Variants in FHOD3 observed in about 807,000 individuals in gnomAD.
FHOD3 encodes the protein FH1/FH2 domain-containing protein 3.
Under a neutral mutation model 173.0 loss-of-function variants are expected in FHOD3, and 90 were observed. That is an observed-to-expected ratio of 0.52 (90% confidence interval 0.44 to 0.62). The LOEUF (loss-of-function observed/expected upper bound fraction) is 0.62. Ranked by LOEUF, FHOD3 falls within the 20% of genes least tolerant of loss-of-function variation. The probability of loss-of-function intolerance (pLI) is 0.00; values close to 1 mark genes in which losing one functional copy is unlikely to be tolerated. For synonymous variants in FHOD3, 828 were observed against 823.0 expected (o/e 1.01, Z -0.10); for missense variants, 1,945 against 2,034.7 (o/e 0.96, Z 0.85).
intron 5 of FHOD3, among the ~76,000 whole-genome samples, chr18:36,559,089 G>C (rs1469619133): frequency 6.6e-6 from 1 of 152,156 alleles, no homozygotes; most frequent in Non-Finnish European, 1.5e-5. Flanking sequence ...TCTCTCTCCT[G>C]ACGTTCTCCT....
At chr18:36,478,170 G>T (rs745727585) in intron 3 of FHOD3, among the ~76,000 whole-genome samples, 10 of 152,136 alleles carry the variant, frequency 6.6e-5, no homozygotes, top group Non-Finnish European at 1.5e-4. Context: ...GTGTTAATGA[G>T]ATATTTAAAG....
chr18:36,548,182 A>G (rs570085258), intron 5 of FHOD3, among the ~76,000 whole-genome samples: 2 of 152,208 alleles, frequency 1.3e-5, no homozygotes, highest in South Asian at 2.1e-4. Context: ...AGAGAGTGAG[A>G]CAATGTCTCA....
chr18:36,641,542 G>A (rs1169733608), intron 10 of FHOD3, among the ~76,000 whole-genome samples: 2 of 152,140 alleles, frequency 1.3e-5, no homozygotes, highest in African/African-American at 2.4e-5. Context: ...GGGCCCCATG[G>A]GTTGAATACT....
intron 1 of FHOD3, among the ~76,000 whole-genome samples, chr18:36,300,524 A>C (rs12970527): frequency 0.35 from 53,931 of 152,062 alleles, 10,000 homozygotes; most frequent in East Asian, 0.56. Context: ...GAGCTATCAT[A>C]CCAGGACCCT....
chr18:36,688,339 T>C (rs1404873910), intron 16 of FHOD3, among the ~76,000 whole-genome samples: 1 of 152,218 alleles, frequency 6.6e-6, no homozygotes, highest in Non-Finnish European at 1.5e-5. Context: ...GTGCTAATTT[T>C]CTAAACACCA....
intron 3 of FHOD3, among the ~76,000 whole-genome samples, chr18:36,425,303 G>C (rs951062214): frequency 6.6e-6 from 1 of 152,162 alleles, no homozygotes; most frequent in Non-Finnish European, 1.5e-5. Context: ...AAGGATTCAG[G>C]CATCTACTGG....
chr18:36,568,277 G>T (rs2147827870), intron 5 of FHOD3, among the ~76,000 whole-genome samples: 1 of 125,480 alleles, frequency 8.0e-6, no homozygotes, highest in South Asian at 2.8e-4. Flanking sequence ...GGCAGAGTTT[G>T]CAGCGAACTG....
At chr18:36,317,231 A>C (rs1427006292) in intron 1 of FHOD3, among the ~76,000 whole-genome samples, 1 of 152,214 alleles carries the variant, frequency 6.6e-6, no homozygotes, top group Admixed American at 6.5e-5. Flanking sequence ...TCCTTTGGGT[A>C]TATACCCAGT....
chr18:36,482,854 C>CAGAGAGAGAGAG (rs1405818047), intron 3 of FHOD3, among the ~76,000 whole-genome samples: 43 of 97,952 alleles, frequency 4.4e-4, no homozygotes, highest in African/African-American at 1.7e-3. Flanking sequence ...CACTCACACA[C>CAGAGAGAGAGAG]ACACAGAGAG....
At chr18:36,405,719 A>AT (rs2146764037) in intron 3 of FHOD3, among the ~76,000 whole-genome samples, 1 of 152,370 alleles carries the variant, frequency 6.6e-6, no homozygotes, top group Non-Finnish European at 1.5e-5. Flanking sequence ...CTGTGAGGAC[A>AT]TGTTTATATG....
chr18:36,305,885 GGTTTT>G lies in FHOD3; in HGVS notation c.165+7886_165+7890del, dbSNP rs2092081434. ...TTTTATATCACTTTAACAATTGTTT[GGTTTT>G]ATTTATGATTTGAGGTCACCTTCTT... On this transcript the variant is annotated intron_variant, in intron 1 of 28. Coordinates refer to ENST00000590592, the MANE Select transcript of FHOD3 (RefSeq NM_001281740.3). 3.3e-5 allele frequency among the ~76,000 whole-genome samples: 5 copies of G among 152,126 alleles called. 1 individual carries two copies. The South Asian group carries it at 1.0e-3, about 32-fold the overall frequency.
intron 3 of FHOD3, among the ~76,000 whole-genome samples, chr18:36,377,554 C>T (rs1158746201): frequency 6.6e-6 from 1 of 152,222 alleles, no homozygotes; most frequent in East Asian, 1.9e-4. Context: ...CTTGTTCTGA[C>T]AGCACCTGAG....
intron 1 of FHOD3, among the ~76,000 whole-genome samples, chr18:36,348,712 C>G (rs1187196621): frequency 6.6e-6 from 1 of 152,108 alleles, no homozygotes; most frequent in Non-Finnish European, 1.5e-5. Context: ...TTTTACCCAG[C>G]AAGTGCTGCT....
intron 28 of FHOD3, among the ~76,000 whole-genome samples, chr18:36,772,302 G>T (rs2043420942): frequency 6.6e-6 from 1 of 152,160 alleles, no homozygotes; most frequent in Non-Finnish European, 1.5e-5. Context: ...TGTTATAAAG[G>T]GATGATAAAC....
At chr18:36,457,695 T>C (rs1020395231) in intron 3 of FHOD3, among the ~76,000 whole-genome samples, 1 of 152,130 alleles carries the variant, frequency 6.6e-6, no homozygotes, top group Non-Finnish European at 1.5e-5. Context: ...GTATGTCCAC[T>C]CCTGAAGTGT....
intron 1 of FHOD3, among the ~76,000 whole-genome samples, chr18:36,311,828 AG>A (rs1243732433): frequency 6.6e-6 from 1 of 151,950 alleles, no homozygotes; most frequent in Non-Finnish European, 1.5e-5. Flanking sequence ...TGATGGGGGG[AG>A]GGGGGACAGG....
chr18:36,513,769 A>T (rs1000974169), intron 5 of FHOD3, among the ~76,000 whole-genome samples: 1 of 151,970 alleles, frequency 6.6e-6, no homozygotes, highest in Non-Finnish European at 1.5e-5. Context: ...CGTAGGGCTC[A>T]TTAAAAAAAA....
At chr18:36,698,948 C>T (rs775054835) in intron 17 of FHOD3, among the ~76,000 whole-genome samples, 15 of 152,110 alleles carry the variant, frequency 9.9e-5, no homozygotes, top group African/African-American at 2.4e-4. Context: ...TTATAATGGG[C>T]GGTAAACATG....
intron 3 of FHOD3, among the ~76,000 whole-genome samples, chr18:36,400,468 G>A (rs553018247): frequency 6.6e-6 from 1 of 152,276 alleles, no homozygotes; most frequent in East Asian, 1.9e-4. Flanking sequence ...TGGTCCCCAG[G>A]CCAGCAGCAT....
Sources: gnomAD v4.1 joint callset for allele counts (sites outside exome capture counted in the v4.1 genomes callset) on GRCh38, gnomAD v4.1.1 for gene constraint, MANE v1.5 for transcripts, NCBI Gene and HGNC (gene_info 2026-07-23, HGNC 2026-07-21) for gene names.